Variants in OSTN observed in about 807,000 individuals in gnomAD.
OSTN encodes osteocrin.
Under a neutral mutation model 12.0 loss-of-function variants are expected in OSTN, and 9 were observed. The observed-to-expected ratio is 0.75, with a 90% CI of 0.45 to 1.30. The LOEUF (loss-of-function observed/expected upper bound fraction) is 1.30, where lower values mean the gene tolerates loss of function less well. Among genes scored for constraint, OSTN ranks in the 50% most tolerant of loss-of-function variants. The pLI is 0.00. For missense variants in OSTN, 148 were observed against 152.3 expected, an observed-to-expected ratio of 0.97 and a Z score of 0.15; for synonymous variants, 59 against 56.9, an observed-to-expected ratio of 1.04 and a Z score of -0.16.
chr3:191,240,125 A>T (rs1457697854), intron 3 of OSTN, among the ~76,000 whole-genome samples: 3 of 152,236 alleles, frequency 2.0e-5, no homozygotes, highest in East Asian at 3.8e-4. Flanking sequence ...CCTTAAAACC[A>T]TATCACCATT....
intron 3 of OSTN, among the ~76,000 whole-genome samples, chr3:191,245,316 A>G (rs1166307780): frequency 6.6e-6 from 1 of 152,220 alleles, no homozygotes; most frequent in East Asian, 1.9e-4. Context: ...TGTGTAATAC[A>G]TGGTAATGCA....
At chr3:191,236,313 C>G (rs1715186327) in intron 3 of OSTN, among the ~76,000 whole-genome samples, 1 of 152,058 alleles carries the variant, frequency 6.6e-6, no homozygotes, top group Non-Finnish European at 1.5e-5. Context: ...CTATCACACA[C>G]TAAGAAGGAG....
At chr3:191,259,499 A>ATT (rs34400942) in intron 4 of OSTN, among the ~76,000 whole-genome samples, 1,807 of 149,494 alleles carry the variant, frequency 0.012, 52 homozygotes, top group African/African-American at 0.039. Flanking sequence ...CCTTGCCTGG[A>ATT]TTTTTTTTTT....
intron 2 of OSTN, among the ~76,000 whole-genome samples, chr3:191,216,195 C>A (rs992000640): frequency 6.6e-5 from 10 of 152,322 alleles, no homozygotes; most frequent in Admixed American, 2.0e-4. Context: ...AATGCCCTAT[C>A]TGTATGTTGG....
chr3:191,205,570 A>G (rs1714253626), intron 1 of OSTN, among the ~76,000 whole-genome samples: 1 of 151,776 alleles, frequency 6.6e-6, no homozygotes, highest in African/African-American at 2.4e-5. Context: ...CCAATTTTAT[A>G]TCTACTAAAA....
At chr3:191,262,659 G>A (rs1389265318) in intron 4 of OSTN, among the ~76,000 whole-genome samples, 1 of 152,150 alleles carries the variant, frequency 6.6e-6, no homozygotes, top group Non-Finnish European at 1.5e-5. Context: ...TAGCTTATAT[G>A]TTTAAAATAT....
At position 191,202,632 on chromosome 3, in the gene OSTN, G is replaced by A. The variant is rs150546948; in HGVS notation, c.-1+3325G>A. On this transcript the variant is annotated intron_variant, in intron 1 of 4. Transcript: ENST00000682035. Reference sequence around the variant, plus strand: ...AGTACAAAGTGGAGTAAACAGTGAAGGGGGTCGTGAAATTCCACATTAACT... The same window carrying A: ...AGTACAAAGTGGAGTAAACAGTGAAAGGGGTCGTGAAATTCCACATTAACT... Among the ~76,000 whole-genome samples the A allele has an allele frequency of 4.1e-3, 620 of 152,316 alleles. 2 individuals carry two copies. Among genetic ancestry groups the A allele is most frequent in the African/African-American group, 0.014 (596 of 41,572 alleles).
chr3:191,235,787 T>A (rs1419237459), intron 3 of OSTN, among the ~76,000 whole-genome samples: 1 of 152,154 alleles, frequency 6.6e-6, no homozygotes, highest in African/African-American at 2.4e-5. Flanking sequence ...TCTCTCCACA[T>A]GCTCTACATC....
rs200859450 is a variant in OSTN at position 191,259,854 on chromosome 3, T to TC, written c.*13-3012_*13-3011insC. The stretch of plus-strand genomic sequence containing the variant: ...CTATGACCCTATTATGTATCCTTCT[T>TC]TTTTTTTTTTTTTTTTCTTGAGACA... On this transcript the variant is annotated intron_variant, in intron 4 of 4. Transcript: ENST00000682035. Among the ~76,000 whole-genome samples the TC allele has an allele frequency of 7.3e-4, 104 of 142,994 alleles. 1 individual carries two copies. Among genetic ancestry groups the TC allele is most frequent in the Admixed American group, 6.3e-4 (9 of 14,180 alleles). 93.8% of individuals were successfully genotyped at this position (142,994 alleles called of 152,430 possible).
Position 191,242,289 on chromosome 3 carries a change from T to C in OSTN, c.318-7748T>C, listed in dbSNP as rs138452173. 4.1e-3 allele frequency among the ~76,000 whole-genome samples: 630 copies of C among 152,328 alleles called. 2 individuals are homozygous for C. The highest frequency in any genetic ancestry group is 0.014 in the Middle Eastern group (4 of 294). On this transcript the variant is annotated intron_variant, in intron 3 of 4. Transcript: ENST00000682035. ...TGCCACTTACAACCACAAAAAGGTC[T>C]TTTGGAGAACATTTTAACAATTTAT...
intron 3 of OSTN, among the ~76,000 whole-genome samples, chr3:191,228,131 C>G (rs181169667): frequency 6.6e-6 from 1 of 152,206 alleles, no homozygotes; most frequent in East Asian, 1.9e-4. Context: ...CTCAGATTGT[C>G]ATACTTTAGC....
chr3:191,200,048 T>C lies in OSTN; in HGVS notation c.-1+741T>C, dbSNP rs77420328. On this transcript the variant is annotated intron_variant, in intron 1 of 4. Coordinates refer to ENST00000682035, the MANE Select transcript of OSTN (RefSeq NM_198184.2). ...ATAACAGACTCTATAGGTTTAGGAA[T>C]GTGATTATTATTTGTTTATGAGTTT... Among the ~76,000 whole-genome samples, 3,019 of 152,250 alleles carry C rather than the reference T, an allele frequency of 0.02. 169 individuals carry two copies. In the East Asian group the frequency reaches 0.21, roughly 10 times the overall value.
At chr3:191,244,352 T>C (rs1369571448) in intron 3 of OSTN, among the ~76,000 whole-genome samples, 1 of 151,812 alleles carries the variant, frequency 6.6e-6, no homozygotes, top group Non-Finnish European at 1.5e-5. Context: ...ATATTCTATA[T>C]CCTTAATCTA....
chr3:191,214,493 CA>C (rs1274016400), intron 2 of OSTN, among the ~76,000 whole-genome samples: 1 of 132,556 alleles, frequency 7.5e-6, no homozygotes, highest in Admixed American at 7.4e-5. Context: ...TGATGGGAAT[CA>C]AAAATAGCAG....
At chr3:191,247,578 T>G (rs544547428) in intron 3 of OSTN, among the ~76,000 whole-genome samples, 2 of 152,274 alleles carry the variant, frequency 1.3e-5, no homozygotes, top group East Asian at 3.9e-4. Flanking sequence ...AAAAGAAGGT[T>G]GAATAAGTTG....
At chr3:191,224,778 C>A (rs1402069167) in intron 3 of OSTN, among the ~76,000 whole-genome samples, 1 of 151,942 alleles carries the variant, frequency 6.6e-6, no homozygotes, top group Non-Finnish European at 1.5e-5. Flanking sequence ...TTTATTTTTG[C>A]ATTTTTATTT....
chr3:191,230,400 C>G (rs542027327), intron 3 of OSTN, among the ~76,000 whole-genome samples: 1 of 121,564 alleles, frequency 8.2e-6, no homozygotes, highest in Non-Finnish European at 1.7e-5. Flanking sequence ...CCTGTCTCTA[C>G]TAAAATACAA....
At position 191,263,706 on chromosome 3, in the gene OSTN, C is replaced by G. The variant is rs1483513200; in HGVS notation, c.*853C>G. The G allele has an allele frequency of 6.6e-6, 1 of 152,098 alleles. No individual in the cohort carries two copies. The highest frequency in any genetic ancestry group is 6.5e-5 in the Admixed American group (1 of 15,268). 9.4% of individuals were successfully genotyped at this position (152,098 alleles called of 1,614,324 possible). ...TGATATCTTGGATTAATCTAAGAAA[C>G]TGTTTACTGTGTTTCACATATTGGC... On this transcript the variant is annotated 3_prime_UTR_variant, in exon 5 of 5. Coordinates refer to ENST00000682035, the MANE Select transcript of OSTN (RefSeq NM_198184.2).
intron 4 of OSTN, among the ~76,000 whole-genome samples, chr3:191,258,319 C>T (rs1464860429): frequency 2.0e-5 from 3 of 152,118 alleles, no homozygotes; most frequent in Non-Finnish European, 4.4e-5. Flanking sequence ...CATTAAGGAA[C>T]AAGGCTAACA....
Sources: gnomAD v4.1 joint callset for allele counts (sites outside exome capture counted in the v4.1 genomes callset) on GRCh38, gnomAD v4.1.1 for gene constraint, MANE v1.5 for transcripts, NCBI Gene and HGNC (gene_info 2026-07-23, HGNC 2026-07-21) for gene names.